DMXL2: variants seen among roughly 807,000 people sequenced by gnomAD.
DMXL2 encodes Dmx like 2, also known as dmX-like protein 2.
DMXL2 carries 103 observed loss-of-function variants against 331.1 expected under a neutral mutation model. The ratio of observed to expected loss-of-function variants is 0.31; its 90% CI spans 0.27 to 0.37. DMXL2 has a LOEUF of 0.37. DMXL2 is among the 10% of genes least tolerant of loss of function. The pLI is 1.00. For synonymous variants in DMXL2, 1,281 were observed against 1,252.1 expected (o/e 1.02, Z -0.49); for missense variants, 3,171 against 3,642.9 (o/e 0.87, Z 3.33).
intron 29 of DMXL2, among the ~76,000 whole-genome samples, chr15:51,469,016 A>G (rs2040854639): frequency 6.6e-6 from 1 of 152,154 alleles, no homozygotes; most frequent in Non-Finnish European, 1.5e-5. Flanking sequence ...CTGAAGATAT[A>G]GCAACCACTT....
intron 19 of DMXL2, among the ~76,000 whole-genome samples, chr15:51,494,043 C>T (rs1256962997): frequency 2.0e-5 from 3 of 152,134 alleles, no homozygotes; most frequent in African/African-American, 7.2e-5. Context: ...AATTTTCATG[C>T]CTTTTGATTC....
intron 14 of DMXL2, 78 bp from the exon 15 acceptor site, chr15:51,514,637 A>G: frequency 3.8e-6 from 3 of 798,516 alleles, no homozygotes; most frequent in Non-Finnish European, 2.1e-6. Context: ...CACCTCCCCA[A>G]TGCTAATGCA....
At chr15:51,524,484 T>C (rs2047557459) in intron 13 of DMXL2, among the ~76,000 whole-genome samples, 1 of 152,164 alleles carries the variant, frequency 6.6e-6, no homozygotes, top group Non-Finnish European at 1.5e-5. Context: ...AACTTCATTA[T>C]CACTGAAAGA....
At chr15:51,535,035 G>GA (rs1433250230) in intron 13 of DMXL2, among the ~76,000 whole-genome samples, 1 of 152,138 alleles carries the variant, frequency 6.6e-6, no homozygotes, top group East Asian at 1.9e-4. Flanking sequence ...AGGTAGGTCT[G>GA]AAACTTATAT....
chr15:51,536,799 T>C lies in DMXL2; in HGVS notation c.1681A>G (p.Asn561Asp). The C allele has an allele frequency of 6.2e-7, 1 of 1,613,870 alleles. No homozygotes were observed. The highest frequency in any genetic ancestry group is 8.5e-7 in the Non-Finnish European group (1 of 1,179,932). The change falls in exon 12 of 44, where the codon AAT becomes GAT. Residue 561 changes from asparagine to aspartate, a missense_variant. Asn to Asp is a conservative substitution (Grantham distance 23). Transcript: ENST00000560891. Reference protein sequence around the residue: ...PSGDASSLSKNIMMYACINAT... With the variant: ...PSGDASSLSKDIMMYACINAT... The stretch of plus-strand genomic sequence containing the variant: ...TTTATACAGGCATACATCATGATAT[T>C]TTTACTAAGAGAGCTTGCATCACCA...
At chr15:51,592,939 A>G (rs972082593) in intron 1 of DMXL2, among the ~76,000 whole-genome samples, 29 of 152,340 alleles carry the variant, frequency 1.9e-4, no homozygotes, top group African/African-American at 6.7e-4. Context: ...AGGAACAACC[A>G]GTACCAGCCA....
chr15:51,450,939 CTG>C (rs68045371), intron 42 of DMXL2, among the ~76,000 whole-genome samples: 34,515 of 152,086 alleles, frequency 0.23, 4,216 homozygotes, highest in African/African-American at 0.29. Context: ...TATTAAAAGA[CTG>C]AGAATCTTTC....
At chr15:51,480,423 G>A in intron 24 of DMXL2, 119 bp downstream of exon 24, 2 of 1,236,350 alleles carry the variant, frequency 1.6e-6, no homozygotes. Flanking sequence ...TATAAAGAGA[G>A]GAGCTGAACA....
intron 1 of DMXL2, among the ~76,000 whole-genome samples, chr15:51,618,134 C>A (rs1194043718): frequency 6.6e-6 from 1 of 152,184 alleles, no homozygotes. Context: ...TTCTAACCAA[C>A]CCCTTGATTC....
At chr15:51,523,489 T>C (rs1244647664) in intron 13 of DMXL2, among the ~76,000 whole-genome samples, 1 of 152,146 alleles carries the variant, frequency 6.6e-6, no homozygotes, top group Non-Finnish European at 1.5e-5. Flanking sequence ...CCTCCCAAAA[T>C]TCATGTCCAC....
intron 6 of DMXL2, among the ~76,000 whole-genome samples, chr15:51,562,477 G>T: frequency 6.6e-6 from 1 of 152,148 alleles, no homozygotes. Context: ...GAGGCAAAGA[G>T]AATTTCCCAA....
intron 1 of DMXL2, among the ~76,000 whole-genome samples, chr15:51,580,645 G>A (rs1038352209): frequency 3.9e-5 from 6 of 152,272 alleles, no homozygotes; most frequent in Admixed American, 6.5e-5. Flanking sequence ...CCCAAGAAAA[G>A]AGGAAGAGTC....
chr15:51,509,116 A>G (rs1164493828), intron 15 of DMXL2, among the ~76,000 whole-genome samples: 1 of 152,136 alleles, frequency 6.6e-6, no homozygotes, highest in Non-Finnish European at 1.5e-5. Context: ...TGTAGAGCTA[A>G]CTTCCACTGT....
At chr15:51,594,449 G>A (rs2052634900) in intron 1 of DMXL2, among the ~76,000 whole-genome samples, 1 of 152,106 alleles carries the variant, frequency 6.6e-6, no homozygotes, top group South Asian at 2.1e-4. Flanking sequence ...AAAAATCCAG[G>A]ACCAGATGGA....
intron 1 of DMXL2, among the ~76,000 whole-genome samples, chr15:51,594,549 C>T (rs1191650501): frequency 1.3e-5 from 2 of 152,152 alleles, no homozygotes; most frequent in East Asian, 1.9e-4. Flanking sequence ...AGGGAATCCT[C>T]CCTAACTCAT....
At chr15:51,455,716 C>G (rs2039563232) in intron 39 of DMXL2, among the ~76,000 whole-genome samples, 2 of 152,154 alleles carry the variant, frequency 1.3e-5, no homozygotes, top group Admixed American at 1.3e-4. Context: ...AACTGCTTAC[C>G]TGTTTCACTG....
intron 1 of DMXL2, among the ~76,000 whole-genome samples, chr15:51,578,605 T>C (rs1452232352): frequency 6.6e-6 from 1 of 152,216 alleles, no homozygotes; most frequent in Non-Finnish European, 1.5e-5. Flanking sequence ...TGGCAATATC[T>C]ATCAAAATCT....
chr15:51,456,843 G>T (rs2039665650), intron 37 of DMXL2, among the ~76,000 whole-genome samples: 1 of 152,122 alleles, frequency 6.6e-6, no homozygotes, highest in South Asian at 2.1e-4. Flanking sequence ...TACCACCTAG[G>T]ATTGTTGTGA....
chr15:51,490,243 A>G (rs1308299983), intron 20 of DMXL2, among the ~76,000 whole-genome samples: 1 of 152,218 alleles, frequency 6.6e-6, no homozygotes, highest in Non-Finnish European at 1.5e-5. Context: ...GTGATCTGAG[A>G]ACCATGCACA....
Sources: allele counts gnomAD v4.1 joint callset (sites outside exome capture counted in the v4.1 genomes callset), GRCh38; gene constraint gnomAD v4.1.1; transcripts MANE v1.5; gene names NCBI Gene and HGNC (gene_info 2026-07-23, HGNC 2026-07-21).